The following OPHN1 variants were observed in gnomAD, a reference collection of about 807,000 sequenced individuals.
OPHN1 encodes oligophrenin-1.
Under a neutral mutation model 60.7 loss-of-function variants are expected in OPHN1, and 11 were observed. The observed-to-expected ratio is 0.18, with a 90% CI of 0.11 to 0.30. The LOEUF (loss-of-function observed/expected upper bound fraction) is 0.30, where lower values mean the gene tolerates loss of function less well. Among genes scored for constraint, OPHN1 ranks in the 10% least tolerant of loss-of-function variants. The pLI, the probability that OPHN1 is intolerant of heterozygous loss-of-function variation, is 1.00. For missense variants in OPHN1, 449 were observed against 611.0 expected (o/e 0.73, Z 2.80); for synonymous variants, 226 against 222.6 (o/e 1.02, Z -0.14).
chrX:68,389,647 T>G (rs2078643323), intron 2 of OPHN1, among the ~76,000 whole-genome samples: 1 of 64,915 alleles, frequency 1.5e-5, no homozygotes, highest in Non-Finnish European at 3.6e-5. Context: ...TATTAATATG[T>G]GTGATTTAGT....
intron 15 of OPHN1, among the ~76,000 whole-genome samples, chrX:68,178,215 A>AT (rs1453732020): frequency 9.0e-6 from 1 of 111,578 alleles, no homozygotes; most frequent in East Asian, 2.8e-4. Flanking sequence ...CCTTTAATTT[A>AT]TTTTTTAAAC....
At chrX:68,155,983 G>A (rs1201508041) in intron 15 of OPHN1, among the ~76,000 whole-genome samples, 2 of 111,622 alleles carry the variant, frequency 1.8e-5, no homozygotes, top group East Asian at 5.6e-4. Flanking sequence ...GCAATTGAGT[G>A]TCCTTATATG....
intron 15 of OPHN1, among the ~76,000 whole-genome samples, chrX:68,185,916 T>C (rs1328023801): frequency 6.3e-5 from 7 of 110,838 alleles, no homozygotes; most frequent in Non-Finnish European, 9.4e-5. Flanking sequence ...ACTGTTACAG[T>C]CTCCCAAAGT....
chrX:68,217,010 G>A (rs767141724), intron 6 of OPHN1, among the ~76,000 whole-genome samples: 5 of 111,814 alleles, frequency 4.5e-5, no homozygotes, highest in African/African-American at 1.6e-4. Context: ...ATTTCCATCT[G>A]ACATACCGGG....
intron 8 of OPHN1, among the ~76,000 whole-genome samples, chrX:68,210,782 C>A (rs765501300): frequency 8.9e-6 from 1 of 112,216 alleles, no homozygotes; most frequent in South Asian, 3.7e-4. Flanking sequence ...TTCATACTCA[C>A]AAATACCAAA....
intron 15 of OPHN1, among the ~76,000 whole-genome samples, chrX:68,167,636 T>C (rs752947246): frequency 2.0e-4 from 22 of 110,199 alleles, no homozygotes; most frequent in Non-Finnish European, 4.2e-4. Context: ...TGCATGCATA[T>C]ATATGCATAC....
chrX:68,217,529 G>T (rs1211829961), intron 6 of OPHN1, among the ~76,000 whole-genome samples: 2 of 110,415 alleles, frequency 1.8e-5, no homozygotes, highest in Non-Finnish European at 3.8e-5. Flanking sequence ...AAATGTCCCT[G>T]TCTGACAGCT....
intron 2 of OPHN1, among the ~76,000 whole-genome samples, chrX:68,304,864 C>T (rs1037934411): frequency 1.3e-4 from 14 of 110,808 alleles, no homozygotes; most frequent in African/African-American, 3.6e-4. Flanking sequence ...AATTGCCATC[C>T]GGTTTAATAT....
At position 68,112,144 on chromosome X, in the gene OPHN1, A is replaced by G. The variant is rs144403156; in HGVS notation, c.1421-185T>C. Among the ~76,000 whole-genome samples, 5 of 109,758 alleles carry G rather than the reference A, an allele frequency of 4.6e-5. No individual in the cohort carries two copies. The East Asian group carries it at 8.6e-4, about 19-fold the overall frequency. ...ACACACACAGAGAGAGAGATAATCA[A>G]TGAGATGAAAAGAGACAGAGAGATA... On this transcript the variant is annotated intron_variant, in intron 17 of 24. Coordinates refer to ENST00000355520, the MANE Select transcript of OPHN1 (RefSeq NM_002547.3).
intron 6 of OPHN1, among the ~76,000 whole-genome samples, chrX:68,231,145 A>G (rs990495555): frequency 2.7e-5 from 3 of 111,913 alleles, no homozygotes; most frequent in Non-Finnish European, 5.6e-5. Flanking sequence ...AAGTCAAATA[A>G]GCCAGGCACA....
At chrX:68,205,908 C>A (rs1193079604) in intron 10 of OPHN1, among the ~76,000 whole-genome samples, 1 of 110,470 alleles carries the variant, frequency 9.1e-6, no homozygotes, top group Non-Finnish European at 1.9e-5. Context: ...AGAATATAAA[C>A]AATCTGTCTA....
At chrX:68,433,110 T>G in intron 1 of OPHN1, 58 bp downstream of exon 1, 1 of 960,590 alleles carries the variant, frequency 1.0e-6, no homozygotes, top group Non-Finnish European at 1.4e-6. Flanking sequence ...GGGGACGGAC[T>G]GAGCGCGCGA....
At chrX:68,386,133 A>G (rs761032526) in intron 2 of OPHN1, among the ~76,000 whole-genome samples, 46 of 112,245 alleles carry the variant, frequency 4.1e-4, no homozygotes, top group Non-Finnish European at 7.9e-4. Flanking sequence ...CCAAAGGTAA[A>G]TCAGTTGGAA....
At chrX:68,055,470 C>T (rs948037015) in intron 21 of OPHN1, among the ~76,000 whole-genome samples, 1 of 111,896 alleles carries the variant, frequency 8.9e-6, no homozygotes, top group African/African-American at 3.3e-5. Context: ...CTAGAGAGGA[C>T]GTGGAGAAAT....
intron 15 of OPHN1, among the ~76,000 whole-genome samples, chrX:68,132,546 T>G (rs1602179071): frequency 2.2e-5 from 1 of 45,974 alleles, no homozygotes. Flanking sequence ...CTGGGGACTG[T>G]GGTGGGGTCG....
chrX:68,132,413 A>G (rs2147462737), intron 15 of OPHN1, among the ~76,000 whole-genome samples: 1 of 108,121 alleles, frequency 9.2e-6, no homozygotes, highest in African/African-American at 3.4e-5. Flanking sequence ...CATGGATGAA[A>G]TTGGAAACCA....
chrX:68,417,511 C>A lies in OPHN1; in HGVS notation c.154+15356G>T, dbSNP rs2078805349. On this transcript the variant is annotated intron_variant, in intron 2 of 24. Coordinates refer to ENST00000355520, the MANE Select transcript of OPHN1 (RefSeq NM_002547.3). ...CAGTTATTCTCAAAAGCAGAAGCTACAAAAGACTTCAAAGTAAAAGATACC... is the reference window on the plus strand; with the variant it reads ...CAGTTATTCTCAAAAGCAGAAGCTAAAAAAGACTTCAAAGTAAAAGATACC... 2.7e-5 allele frequency among the ~76,000 whole-genome samples: 3 copies of A among 112,451 alleles called. No homozygotes were observed. The South Asian group carries it at 1.1e-3, about 41-fold the overall frequency.
At chrX:68,426,457 A>T (rs1218061936) in intron 2 of OPHN1, among the ~76,000 whole-genome samples, 2 of 101,608 alleles carry the variant, frequency 2.0e-5, no homozygotes, top group Non-Finnish European at 4.0e-5. Context: ...AACAAAAAAA[A>T]CATGAGTTTT....
rs201178952 is a variant in OPHN1 at position 68,262,484 on chromosome X, G to GA, written c.384+12253dup. Among the ~76,000 whole-genome samples, 690 of 111,573 alleles carry GA rather than the reference G, an allele frequency of 6.2e-3. 1 individual carries two copies. Among genetic ancestry groups the GA allele is most frequent in the Non-Finnish European group, 9.3e-3 (491 of 52,930 alleles). Reference sequence around the variant, plus strand: ...AACTGCAGATCACACATTAAAGTTAGAAAAAAAACAAATGTCCAGCTGGGC... The same window carrying GA: ...AACTGCAGATCACACATTAAAGTTAGAAAAAAAAACAAATGTCCAGCTGGGC... On this transcript the variant is annotated intron_variant, in intron 5 of 24. Transcript: ENST00000355520.
Sources: allele counts gnomAD v4.1 joint callset (sites outside exome capture counted in the v4.1 genomes callset), GRCh38; gene constraint gnomAD v4.1.1; transcripts MANE v1.5; gene names NCBI Gene and HGNC (gene_info 2026-07-23, HGNC 2026-07-21).